The following KIAA1958 variants were observed in gnomAD, a reference collection of about 807,000 sequenced individuals.
KIAA1958 encodes uncharacterized protein KIAA1958.
A neutral mutation model predicts 47.2 loss-of-function variants in KIAA1958; 14 were observed. The ratio of observed to expected loss-of-function variants is 0.30; its 90% CI spans 0.20 to 0.46. The LOEUF (loss-of-function observed/expected upper bound fraction) is 0.46. KIAA1958 is among the 20% of genes least tolerant of loss of function. The pLI, the probability that KIAA1958 is intolerant of heterozygous loss-of-function variation, is 1.00. For missense variants in KIAA1958, 803 were observed against 909.2 expected, an observed-to-expected ratio of 0.88 and a Z score of 1.50; for synonymous variants, 354 against 353.3, an observed-to-expected ratio of 1.00 and a Z score of -0.02.
At chr9:112,590,350 CTTT>C (rs893352438) in intron 2 of KIAA1958, among the ~76,000 whole-genome samples, 4 of 134,306 alleles carry the variant, frequency 3.0e-5, no homozygotes, top group Non-Finnish European at 4.8e-5. Flanking sequence ...AGACACCCTT[CTTT>C]TTTTTTTTTT....
intron 1 of KIAA1958, among the ~76,000 whole-genome samples, chr9:112,532,532 CTTTGACTGTTT>C (rs1464155516): frequency 6.6e-6 from 1 of 152,144 alleles, no homozygotes; most frequent in African/African-American, 2.4e-5. Flanking sequence ...GTGATCCTTT[CTTTGACTGTTT>C]CCTGGAGGGA....
chr9:112,547,936 C>T (rs1304289541), intron 1 of KIAA1958, among the ~76,000 whole-genome samples: 1 of 150,296 alleles, frequency 6.7e-6, no homozygotes, highest in East Asian at 2.0e-4. Flanking sequence ...TTTTTTCTTT[C>T]TGTTGATTCC....
intron 1 of KIAA1958, among the ~76,000 whole-genome samples, chr9:112,533,372 C>T (rs898973918): frequency 3.3e-5 from 5 of 150,832 alleles, no homozygotes; most frequent in African/African-American, 4.9e-5. Context: ...GTCAGGAGAT[C>T]GAGACCACCC....
intron 1 of KIAA1958, among the ~76,000 whole-genome samples, chr9:112,494,331 T>G (rs1036553385): frequency 6.6e-6 from 1 of 152,144 alleles, no homozygotes; most frequent in Non-Finnish European, 1.5e-5. Context: ...TTTCATTTTC[T>G]CTCTTTGGGG....
chr9:112,506,145 C>T (rs1368996250), intron 1 of KIAA1958, among the ~76,000 whole-genome samples: 1 of 152,098 alleles, frequency 6.6e-6, no homozygotes, highest in African/African-American at 2.4e-5. Context: ...TTATAGAGTA[C>T]TGTGGCAATT....
At chr9:112,489,095 T>C (rs1214353117) in intron 1 of KIAA1958, among the ~76,000 whole-genome samples, 4 of 152,232 alleles carry the variant, frequency 2.6e-5, no homozygotes. Flanking sequence ...TGACTAGCGT[T>C]CCTTGTCCCT....
At chr9:112,526,126 G>A (rs1023115120) in intron 1 of KIAA1958, among the ~76,000 whole-genome samples, 4 of 3,984 alleles carry the variant, frequency 1.0e-3, no homozygotes, top group South Asian at 0.011. Flanking sequence ...CACCATACCC[G>A]GCCTTTATGT....
intron 3 of KIAA1958, among the ~76,000 whole-genome samples, chr9:112,649,774 A>G (rs139794214): frequency 0.018 from 2,725 of 152,254 alleles, 45 homozygotes; most frequent in Non-Finnish European, 0.028. Context: ...AAAAATGAAG[A>G]TCAAATAAAG....
At chr9:112,644,380 C>T (rs1297442335) in intron 2 of KIAA1958, among the ~76,000 whole-genome samples, 1 of 152,076 alleles carries the variant, frequency 6.6e-6, no homozygotes, top group African/African-American at 2.4e-5. Context: ...TTGCAGTTCA[C>T]CTTGGTCATT....
intron 2 of KIAA1958, among the ~76,000 whole-genome samples, chr9:112,593,054 G>A (rs1418870708): frequency 1.3e-5 from 2 of 152,186 alleles, no homozygotes; most frequent in East Asian, 3.8e-4. Context: ...CTGAAGAGTA[G>A]GAATTGAAAG....
chr9:112,556,568 C>T (rs1835246028), intron 1 of KIAA1958, among the ~76,000 whole-genome samples: 1 of 152,218 alleles, frequency 6.6e-6, no homozygotes, highest in Non-Finnish European at 1.5e-5. Context: ...CTCCTGTCCT[C>T]AAGCAATCTT....
At chr9:112,545,823 T>TTGTG (rs145175140) in intron 1 of KIAA1958, among the ~76,000 whole-genome samples, 399 of 35,686 alleles carry the variant, frequency 0.011, 6 homozygotes, top group African/African-American at 0.043. Context: ...ACAGGTTTCT[T>TTGTG]TGTTTTTTTT....
Position 112,662,298 on chromosome 9 carries a change from CT to C in KIAA1958, c.*2230del, listed in dbSNP as rs1837289157. ...GAACTGTGTCTGAGCAGCCTAAAAG[CT>C]GTTTGTGACATGCCACCTTGGGAAA... is the stretch of plus-strand genomic sequence containing the variant. On this transcript the variant is annotated 3_prime_UTR_variant, in exon 4 of 4. Coordinates refer to ENST00000337530, the MANE Select transcript of KIAA1958 (RefSeq NM_133465.4). 1 of 152,208 alleles carries C rather than the reference CT, an allele frequency of 6.6e-6. No individual in the cohort carries two copies. 9.4% of individuals were successfully genotyped at this position (152,208 alleles called of 1,614,324 possible).
intron 1 of KIAA1958, among the ~76,000 whole-genome samples, chr9:112,553,488 T>C (rs1210796638): frequency 6.6e-6 from 1 of 152,136 alleles, no homozygotes; most frequent in Non-Finnish European, 1.5e-5. Context: ...CCTTATTTAC[T>C]AGCTTTTTGA....
chr9:112,540,132 A>G (rs1273090784), intron 1 of KIAA1958, among the ~76,000 whole-genome samples: 1 of 152,246 alleles, frequency 6.6e-6, no homozygotes, highest in East Asian at 1.9e-4. Flanking sequence ...ATTTTGTAAA[A>G]TAGTGACATA....
At position 112,668,315 on chromosome 9, in the gene KIAA1958, CAAAA is replaced by C. The variant is rs908725306; in HGVS notation, c.*8249_*8252del. 4 of 152,082 alleles carry C rather than the reference CAAAA, an allele frequency of 2.6e-5. No homozygotes were observed. Among genetic ancestry groups the C allele is most frequent in the African/African-American group, 7.2e-5 (3 of 41,414 alleles). The allele number at this position is 152,082 out of a possible 1,614,324, so 9.4% of individuals were successfully genotyped here. A position where few individuals can be genotyped will look rare whatever the true frequency, so the allele number is the denominator to read the frequency against. Reference sequence around the variant, plus strand: ...CAAAAAGCAATCAGGAAAAAACAAACAAAAAACTTGTTTTAGAATACAAATGCAA... The same window carrying C: ...CAAAAAGCAATCAGGAAAAAACAAACAACTTGTTTTAGAATACAAATGCAA... On this transcript the variant is annotated 3_prime_UTR_variant, in exon 4 of 4. Transcript: ENST00000337530.
rs35308071 is a variant in KIAA1958 at position 112,571,894 on chromosome 9, C to CTTT, written c.-24-2149_-24-2147dup. Among the ~76,000 whole-genome samples, 10 of 141,592 alleles carry CTTT rather than the reference C, an allele frequency of 7.1e-5. 1 individual carries two copies. In the South Asian group the frequency reaches 1.1e-3, roughly 16 times the overall value. 92.9% of individuals were successfully genotyped at this position (141,592 alleles called of 152,430 possible). On this transcript the variant is annotated intron_variant, in intron 1 of 3. Transcript: ENST00000337530. ...AACAAACACACAAACCAATCTATGT[C>CTTT]TTTTTTTTTTTTTTTTAACATTTCT...
At chr9:112,648,970 T>G (rs1248737901) in intron 3 of KIAA1958, among the ~76,000 whole-genome samples, 4 of 152,118 alleles carry the variant, frequency 2.6e-5, no homozygotes, top group Non-Finnish European at 5.9e-5. Flanking sequence ...GTAACTATAT[T>G]TGATAAGTTC....
At chr9:112,633,205 C>CTT (rs757103610) in intron 2 of KIAA1958, among the ~76,000 whole-genome samples, 3 of 140,696 alleles carry the variant, frequency 2.1e-5, no homozygotes, top group Non-Finnish European at 4.7e-5. Context: ...TGTTATGATA[C>CTT]TTTTTTTTTT....
Sources: allele counts gnomAD v4.1 joint callset (sites outside exome capture counted in the v4.1 genomes callset), GRCh38; gene constraint gnomAD v4.1.1; transcripts MANE v1.5; gene names NCBI Gene and HGNC (gene_info 2026-07-23, HGNC 2026-07-21).